TPGS2: variants seen among roughly 807,000 people sequenced by gnomAD.
The protein encoded by TPGS2 is polyglutamylase subunit 2.
A neutral mutation model predicts 31.1 loss-of-function variants in TPGS2; 26 were observed. The observed-to-expected ratio is 0.84, with a 90% CI of 0.61 to 1.16. The LOEUF (loss-of-function observed/expected upper bound fraction) is 1.16, where lower values mean the gene tolerates loss of function less well. TPGS2 is among the 50% of genes most tolerant of loss of function. The pLI is 0.00. For synonymous variants in TPGS2, 130 were observed against 136.6 expected (o/e 0.95, Z 0.34); for missense variants, 351 against 363.8 (o/e 0.96, Z 0.29).
At chr18:36,827,243 C>A (rs1330719618) in intron 1 of TPGS2, among the ~76,000 whole-genome samples, 1 of 152,000 alleles carries the variant, frequency 6.6e-6, no homozygotes, top group Non-Finnish European at 1.5e-5. Flanking sequence ...AAAAGAGACA[C>A]AAATTTTAAA....
At chr18:36,781,391 C>G (rs926714343), downstream of TPGS2, among the ~76,000 whole-genome samples, 1 of 152,170 alleles carries the variant, frequency 6.6e-6, no homozygotes, top group Non-Finnish European at 1.5e-5. Flanking sequence ...CGGTGGCTGA[C>G]GCCTGTAATC....
chr18:36,810,282 T>C (rs1459762850), intron 2 of TPGS2, among the ~76,000 whole-genome samples: 1 of 152,182 alleles, frequency 6.6e-6, no homozygotes, highest in Non-Finnish European at 1.5e-5. Flanking sequence ...AATGACCACA[T>C]ACTTGCTTCA....
Position 36,794,315 on chromosome 18 carries a change from T to G in TPGS2, c.*2490A>C. The G allele has an allele frequency of 1.0e-6, 1 of 985,478 alleles. No individual in the cohort carries two copies. Among genetic ancestry groups the G allele is most frequent in the Non-Finnish European group, 1.2e-6 (1 of 829,944 alleles). 61.0% of individuals were successfully genotyped at this position (985,478 alleles called of 1,614,324 possible). ...GCACTGAGTGGAGTCAGTCCTGCTCTTCCCTGCTCACTCCTTCTGAGGCAG... is the reference window on the plus strand; with the variant it reads ...GCACTGAGTGGAGTCAGTCCTGCTCGTCCCTGCTCACTCCTTCTGAGGCAG... On this transcript the variant is annotated 3_prime_UTR_variant, in exon 7 of 7. Transcript: ENST00000334295.
Position 36,795,394 on chromosome 18 carries a change from G to A in TPGS2, c.*1411C>T. On this transcript the variant is annotated 3_prime_UTR_variant, in exon 7 of 7. Transcript: ENST00000334295. ...GGACTGAAGTGTGCAGATGGTAGAG[G>A]CCCCTGCACCTCATTCCTCAAAACT... The A allele has an allele frequency of 3.0e-6, 3 of 985,320 alleles. No homozygotes were observed. In the South Asian group the frequency reaches 1.4e-4, roughly 46 times the overall value. The allele number at this position is 985,320 out of a possible 1,614,324, so 61.0% of individuals were successfully genotyped here.
In TPGS2 at chr18:36,805,451, G is replaced by T. The variant is rs1392448855; in HGVS notation, c.305C>A (p.Thr102Asn). The change falls in exon 4 of 7, where the codon ACT becomes AAT. Residue 102 changes from threonine to asparagine, a missense_variant. Thr to Asn is a moderately conservative substitution (Grantham distance 65). Coordinates refer to ENST00000334295, the MANE Select transcript of TPGS2 (RefSeq NM_015476.4). ...SMAINSISKL[T>N]QLTQSSMYSL... The stretch of plus-strand genomic sequence containing the variant: ...ATACATGGAAGACTGGGTGAGCTGA[G>T]TCAGTTTTGAGATGCTGTTAATTGC... The T allele has an allele frequency of 3.7e-6, 6 of 1,614,098 alleles. No homozygotes were observed. The highest frequency in any genetic ancestry group is 1.7e-6 in the Non-Finnish European group (2 of 1,179,952).
chr18:36,809,076 G>A (rs914100806), intron 2 of TPGS2, among the ~76,000 whole-genome samples: 4 of 152,318 alleles, frequency 2.6e-5, no homozygotes, highest in African/African-American at 7.2e-5. Flanking sequence ...AGGTCATCCT[G>A]TCAGTCAGTT....
chr18:36,787,528 G>T (rs144501385), intron 6 of TPGS2, among the ~76,000 whole-genome samples: 1 of 152,224 alleles, frequency 6.6e-6, no homozygotes, highest in East Asian at 1.9e-4. Context: ...TTTTTAAATC[G>T]CAATTTTCAA....
downstream of TPGS2, among the ~76,000 whole-genome samples, chr18:36,781,583 C>T (rs748818743): frequency 2.6e-5 from 4 of 152,050 alleles, no homozygotes; most frequent in Non-Finnish European, 5.9e-5. Context: ...ATCAGGGAGT[C>T]GGAGGTTGCA....
In TPGS2 at chr18:36,807,942, C is replaced by A. The variant is rs368846170; in HGVS notation, c.166-8G>T. On this transcript the variant is annotated splice_polypyrimidine_tract_variant and splice_region_variant and intron_variant, in intron 2 of 6. Transcript: ENST00000334295. ...CATCACACAGTTATTCTTCTAGAATCACAAAGCAGCTAAGTGTTAGGTAAG... is the reference window on the plus strand; with the variant it reads ...CATCACACAGTTATTCTTCTAGAATAACAAAGCAGCTAAGTGTTAGGTAAG... The A allele has an allele frequency of 7.4e-6, 12 of 1,613,888 alleles. No homozygotes were observed. The highest frequency in any genetic ancestry group is 1.0e-5 in the Non-Finnish European group (12 of 1,179,956).
chr18:36,807,818 A>G (rs767786911), intron 3 of TPGS2, 29 bp downstream of exon 3: 3 of 1,605,010 alleles, frequency 1.9e-6, no homozygotes, highest in South Asian at 1.1e-5. Context: ...CAGCCAGGGA[A>G]ATGTTCTCCT....
intron 2 of TPGS2, among the ~76,000 whole-genome samples, chr18:36,810,022 A>G (rs551782824): frequency 1.3e-5 from 2 of 152,364 alleles, no homozygotes; most frequent in East Asian, 3.9e-4. Context: ...TCAAATATTT[A>G]ACACACATTT....
rs1236687722 is a variant in TPGS2, at chr18:36,822,411, CTG to C, written c.86-3440_86-3439del. Among the ~76,000 whole-genome samples, 3 of 152,172 alleles carry C rather than the reference CTG, an allele frequency of 2.0e-5. No individual in the cohort carries two copies. In the East Asian group the frequency reaches 5.8e-4, roughly 29 times the overall value. On this transcript the variant is annotated intron_variant, in intron 1 of 6. Coordinates refer to ENST00000334295, the MANE Select transcript of TPGS2 (RefSeq NM_015476.4). ...TTGGGACTAAAACTGTTTCTGAGTC[CTG>C]TGAGTCCTTGCAGTGGATCTGGTGG...
intron 5 of TPGS2, 120 bp downstream of exon 5, chr18:36,800,078 A>G (rs2150573098): frequency 1.2e-6 from 1 of 830,692 alleles, no homozygotes; most frequent in Non-Finnish European, 2.0e-6. Context: ...GGGACACACA[A>G]GGAACCTGGG....
At chr18:36,825,375 C>T (rs569968767) in intron 1 of TPGS2, among the ~76,000 whole-genome samples, 16 of 141,054 alleles carry the variant, frequency 1.1e-4, no homozygotes, top group East Asian at 2.1e-4. Context: ...GAGCTTGCAG[C>T]GAGTGAAGAG....
At chr18:36,811,828 A>G (rs2045443259) in intron 2 of TPGS2, among the ~76,000 whole-genome samples, 3 of 152,224 alleles carry the variant, frequency 2.0e-5, no homozygotes, top group African/African-American at 7.2e-5. Flanking sequence ...TAGAAACAGA[A>G]AGAGAAATGA....
chr18:36,785,818 AG>A (rs2044112945), intron 6 of TPGS2, among the ~76,000 whole-genome samples: 1 of 152,182 alleles, frequency 6.6e-6, no homozygotes, highest in Admixed American at 6.5e-5. Flanking sequence ...AAAAAATCAT[AG>A]GATCTGTAAC....
intron 6 of TPGS2, among the ~76,000 whole-genome samples, chr18:36,786,218 TGATAG>T (rs879604591): frequency 2.6e-5 from 4 of 152,220 alleles, no homozygotes; most frequent in Admixed American, 2.6e-4. Context: ...TGGTTATGGC[TGATAG>T]AATAAGGGGT....
intron 3 of TPGS2, 50 bp from the exon 4 acceptor site, chr18:36,805,552 C>A (rs776721183): frequency 1.2e-5 from 20 of 1,609,158 alleles, no homozygotes; most frequent in Non-Finnish European, 1.6e-5. Context: ...AGCCTAGTTA[C>A]AATGGTTATC....
At chr18:36,825,746 G>T (rs903105963) in intron 1 of TPGS2, among the ~76,000 whole-genome samples, 2 of 152,148 alleles carry the variant, frequency 1.3e-5, no homozygotes, top group African/African-American at 4.8e-5. Context: ...GTTTTGGAAA[G>T]AAAAGTTTAT....
Sources: gnomAD v4.1 joint callset for allele counts (sites outside exome capture counted in the v4.1 genomes callset) on GRCh38, gnomAD v4.1.1 for gene constraint, MANE v1.5 for transcripts, NCBI Gene and HGNC (gene_info 2026-07-23, HGNC 2026-07-21) for gene names.